The following CLYBL variants were observed in gnomAD, a reference collection of about 807,000 sequenced individuals.
CLYBL encodes citramalyl-CoA lyase, mitochondrial.
Under a neutral mutation model 38.9 loss-of-function variants are expected in CLYBL, and 31 were observed. The ratio of observed to expected loss-of-function variants is 0.80; its 90% confidence interval spans 0.60 to 1.08. The LOEUF is 1.08. Ranked by LOEUF, CLYBL falls within the 50% of genes least tolerant of loss-of-function variation. CLYBL has a pLI of 0.00. For missense variants in CLYBL, 434 were observed against 411.6 expected (o/e 1.05, Z -0.47); for synonymous variants, 171 against 158.6 (o/e 1.08, Z -0.59).
At chr13:99,804,009 A>C (rs767665579) in intron 2 of CLYBL, among the ~76,000 whole-genome samples, 2 of 152,232 alleles carry the variant, frequency 1.3e-5, no homozygotes, top group Non-Finnish European at 2.9e-5. Context: ...GTTAATACTG[A>C]AGAAAGGACG....
At chr13:99,884,146 C>T (rs1273481784) in intron 7 of CLYBL, among the ~76,000 whole-genome samples, 1 of 152,136 alleles carries the variant, frequency 6.6e-6, no homozygotes, top group Non-Finnish European at 1.5e-5. Context: ...CCACACTGGC[C>T]CCGACATTAC....
chr13:99,642,341 G>C (rs1375082449), intron 1 of CLYBL, among the ~76,000 whole-genome samples: 1 of 152,138 alleles, frequency 6.6e-6, no homozygotes, highest in African/African-American at 2.4e-5. Flanking sequence ...CGGTGGTCTT[G>C]GGAATGTTGC....
intron 1 of CLYBL, among the ~76,000 whole-genome samples, chr13:99,673,617 G>T (rs2047599710): frequency 6.6e-6 from 1 of 152,186 alleles, no homozygotes. Context: ...TTAGCAGGGA[G>T]GGCTGTGGGC....
intron 3 of CLYBL, among the ~76,000 whole-genome samples, chr13:99,860,253 C>G (rs1423950389): frequency 6.6e-6 from 1 of 152,156 alleles, no homozygotes; most frequent in Non-Finnish European, 1.5e-5. Context: ...TATTTGGGAT[C>G]TATTGGGCTA....
intron 1 of CLYBL, among the ~76,000 whole-genome samples, chr13:99,615,542 C>T (rs562948217): frequency 5.3e-5 from 8 of 152,224 alleles, no homozygotes; most frequent in South Asian, 4.1e-4. Flanking sequence ...ACATTGCTTA[C>T]GATCCTGTGA....
chr13:99,863,705 G>GT (rs2051667841), intron 4 of CLYBL, among the ~76,000 whole-genome samples: 2 of 152,280 alleles, frequency 1.3e-5, no homozygotes, highest in Admixed American at 6.5e-5. Flanking sequence ...GAGCTAGCTC[G>GT]TTTTTTCTCG....
At chr13:99,635,111 A>G (rs1007039946) in intron 1 of CLYBL, among the ~76,000 whole-genome samples, 2 of 152,030 alleles carry the variant, frequency 1.3e-5, no homozygotes, top group Non-Finnish European at 2.9e-5. Flanking sequence ...TGATCAGGAC[A>G]CCATCGTGTG....
chr13:99,877,040 A>G (rs1227988596), intron 7 of CLYBL, among the ~76,000 whole-genome samples: 1 of 152,054 alleles, frequency 6.6e-6, no homozygotes, highest in East Asian at 1.9e-4. Flanking sequence ...GGCTCTGTTC[A>G]CTGCAAACCC....
intron 2 of CLYBL, among the ~76,000 whole-genome samples, chr13:99,852,711 C>T (rs1006250123): frequency 7.8e-6 from 1 of 128,290 alleles, no homozygotes; most frequent in African/African-American, 3.0e-5. Context: ...CAAAAATTGT[C>T]AGTGTTTTAG....
intron 3 of CLYBL, among the ~76,000 whole-genome samples, chr13:99,860,056 G>C (rs2051562055): frequency 6.6e-6 from 1 of 152,136 alleles, no homozygotes; most frequent in South Asian, 2.1e-4. Context: ...TGTGAGGTCT[G>C]CGTTGCCCAG....
chr13:99,892,728 GT>G (rs1261366987), downstream of CLYBL: 6 of 152,326 alleles, frequency 3.9e-5, no homozygotes, highest in Non-Finnish European at 5.9e-5. Context: ...GAAAACAGTT[GT>G]TTTTTACTTT....
chr13:99,637,446 A>C (rs1183518070), intron 1 of CLYBL, among the ~76,000 whole-genome samples: 1 of 152,212 alleles, frequency 6.6e-6, no homozygotes, highest in Non-Finnish European at 1.5e-5. Flanking sequence ...AAAGAAGAAA[A>C]AAGTTGCCAC....
At chr13:99,709,433 C>T (rs2048194299) in intron 1 of CLYBL, among the ~76,000 whole-genome samples, 1 of 152,202 alleles carries the variant, frequency 6.6e-6, no homozygotes, top group African/African-American at 2.4e-5. Context: ...TTCTCATTGA[C>T]CCGAGAACCT....
rs557236353 is a variant in CLYBL, at chr13:99,646,415, C to T, written c.62+39658C>T. Among the ~76,000 whole-genome samples the T allele has an allele frequency of 7.9e-5, 12 of 152,068 alleles. No homozygotes were observed. The East Asian group carries it at 2.3e-3, about 29-fold the overall frequency. ...TGTCCAAAGGGTGAATGTCTGTGCT[C>T]CTCACCAGGGAGAAGGGCATCTTGC... On this transcript the variant is annotated intron_variant, in intron 1 of 8. Coordinates refer to ENST00000339105, the MANE Select transcript of CLYBL (RefSeq NM_206808.5).
intron 8 of CLYBL, among the ~76,000 whole-genome samples, chr13:99,903,197 A>T (rs2052660016): frequency 6.6e-6 from 1 of 152,210 alleles, no homozygotes; most frequent in Non-Finnish European, 1.5e-5. Flanking sequence ...CTAGTTCTGG[A>T]GACATGGTCT....
At chr13:99,736,754 C>T (rs966229917) in intron 1 of CLYBL, among the ~76,000 whole-genome samples, 3 of 152,204 alleles carry the variant, frequency 2.0e-5, no homozygotes, top group African/African-American at 4.8e-5. Flanking sequence ...CTCCACTGCC[C>T]TCTTATGCTG....
At chr13:99,755,087 C>T (rs1345681820) in intron 1 of CLYBL, among the ~76,000 whole-genome samples, 10 of 151,794 alleles carry the variant, frequency 6.6e-5, no homozygotes, top group Non-Finnish European at 8.8e-5. Context: ...TTAGTAGAGA[C>T]AGGGTTTCAC....
intron 1 of CLYBL, among the ~76,000 whole-genome samples, chr13:99,671,211 C>T (rs1049477836): frequency 6.6e-6 from 1 of 152,182 alleles, no homozygotes; most frequent in Non-Finnish European, 1.5e-5. Context: ...TATCCTCAAC[C>T]CCCTGCCATG....
chr13:99,744,035 C>G (rs573781424), intron 1 of CLYBL, among the ~76,000 whole-genome samples: 1 of 139,872 alleles, frequency 7.1e-6, no homozygotes, highest in Non-Finnish European at 1.5e-5. Flanking sequence ...TGCGGTGGCG[C>G]GATATCAGCT....
Sources: gnomAD v4.1 joint callset for allele counts (sites outside exome capture counted in the v4.1 genomes callset) on GRCh38, gnomAD v4.1.1 for gene constraint, MANE v1.5 for transcripts, NCBI Gene and HGNC (gene_info 2026-07-23, HGNC 2026-07-21) for gene names.